The following TFAP2C variants were observed in gnomAD, a reference collection of about 807,000 sequenced individuals.
TFAP2C encodes activating enhancer-binding protein 2 gamma.
A neutral mutation model predicts 42.9 loss-of-function variants in TFAP2C; 9 were observed. The observed-to-expected ratio is 0.21, with a 90% CI of 0.13 to 0.37. The LOEUF (loss-of-function observed/expected upper bound fraction) is 0.37. Among genes scored for constraint, TFAP2C ranks in the 10% least tolerant of loss-of-function variants. TFAP2C has a pLI of 1.00. For synonymous variants in TFAP2C, 264 were observed against 256.0 expected, an observed-to-expected ratio of 1.03 and a Z score of -0.30; for missense variants, 462 against 591.7, an observed-to-expected ratio of 0.78 and a Z score of 2.27.
chr20:56,631,067 T>C lies in TFAP2C; in HGVS notation c.49-138T>C. The C allele has an allele frequency of 7.0e-7, 1 of 1,435,570 alleles. No homozygotes were observed. The allele number at this position is 1,435,570 out of a possible 1,614,324, so 88.9% of individuals were successfully genotyped here. A position where few individuals can be genotyped will look rare whatever the true frequency, so the allele number is the denominator to read the frequency against. On this transcript the variant is annotated intron_variant, in intron 1 of 6. Coordinates refer to ENST00000201031, the MANE Select transcript of TFAP2C (RefSeq NM_003222.4). This position sits in a 1 kb window ranked among gnomAD's most constrained non-coding sequence, Gnocchi z 6.1. The stretch of plus-strand genomic sequence containing the variant: ...TCGGGGCGCATTGCCCCCGGGTACC[T>C]TCCGACCCTGGGCAAGCCCCGCCGG...
In TFAP2C at chr20:56,631,444, A is replaced by G. The variant is rs1987488469; in HGVS notation, c.288A>G (p.Thr96=). Residue 96 remains threonine (T), a synonymous_variant, in exon 2 of 7, where the codon ACA becomes ACG. Transcript: ENST00000201031. This position sits in a 1 kb window ranked among gnomAD's most constrained non-coding sequence, Gnocchi z 6.1. ...AINPLHQPAP[T]GSQQQAWPGR... ...ACCCCCTGCACCAGCCGGCGCCCACAGGCAGCCAGCAGCAGGCCTGGCCCG... is the reference window on the plus strand; with the variant it reads ...ACCCCCTGCACCAGCCGGCGCCCACGGGCAGCCAGCAGCAGGCCTGGCCCG... The G allele has an allele frequency of 1.3e-6, 2 of 1,579,514 alleles. No individual in the cohort carries two copies. The highest frequency in any genetic ancestry group is 1.7e-6 in the Non-Finnish European group (2 of 1,165,254).
At position 56,631,437 on chromosome 20, in the gene TFAP2C, C is replaced by T; in HGVS notation, c.281C>T (p.Ala94Val). 1.9e-6 allele frequency: 3 copies of T among 1,584,316 alleles called. No homozygotes were observed. Among genetic ancestry groups the T allele is most frequent in the Non-Finnish European group, 1.7e-6 (2 of 1,167,528 alleles). Reference sequence around the variant, plus strand: ...GCCATCAACCCCCTGCACCAGCCGGCGCCCACAGGCAGCCAGCAGCAGGCC... The same window carrying T: ...GCCATCAACCCCCTGCACCAGCCGGTGCCCACAGGCAGCCAGCAGCAGGCC... The part of the protein sequence containing the change: ...AAAINPLHQP[A>V]PTGSQQQAWP... The change falls in exon 2 of 7, where the codon GCG (alanine) becomes GTG (valine). Residue 94 changes from alanine (A) to valine (V), a missense_variant. This residue lies in a region of TFAP2C where 271 missense variants were observed against 269.7 expected (regional missense o/e 1.00). Coordinates refer to ENST00000201031, the MANE Select transcript of TFAP2C (RefSeq NM_003222.4). This position sits in a 1 kb window ranked among gnomAD's most constrained non-coding sequence, Gnocchi z 6.1.
Position 56,631,715 on chromosome 20 carries a change from C to T in TFAP2C, c.534+25C>T, listed in dbSNP as rs1212772624. ...GGTGAGCGGCGCTGCGGCTCCTGAC[C>T]GGACCTGTTCACCCTACGGCCTTCT... is the stretch of plus-strand genomic sequence containing the variant. On this transcript the variant is annotated intron_variant, in intron 2 of 6. Coordinates refer to ENST00000201031, the MANE Select transcript of TFAP2C (RefSeq NM_003222.4). This position sits in a 1 kb window ranked among gnomAD's most constrained non-coding sequence, Gnocchi z 6.1. The T allele has an allele frequency of 1.9e-6, 3 of 1,604,856 alleles. No homozygotes were observed. The highest frequency in any genetic ancestry group is 2.6e-6 in the Non-Finnish European group (3 of 1,175,754).
intron 5 of TFAP2C, 41 bp downstream of exon 5, chr20:56,634,309 T>C (rs1310239115): frequency 7.0e-7 from 1 of 1,423,314 alleles, no homozygotes; most frequent in Non-Finnish European, 9.9e-7. Flanking sequence ...GTTTTTAATT[T>C]GTGCCTGTGT....
Position 56,631,290 on chromosome 20 carries a change from C to G in TFAP2C, c.134C>G (p.Pro45Arg). The G allele has an allele frequency of 6.2e-7, 1 of 1,607,128 alleles. No homozygotes were observed. Among genetic ancestry groups the G allele is most frequent in the Non-Finnish European group, 8.5e-7 (1 of 1,177,514 alleles). The change falls in exon 2 of 7, where the codon CCC becomes CGC. Residue 45 changes from proline (P) to arginine (R), a missense_variant. Pro to Arg is a moderately radical substitution (Grantham distance 103). Transcript: ENST00000201031. This position sits in a 1 kb window ranked among gnomAD's most constrained non-coding sequence, Gnocchi z 6.1. The stretch of plus-strand genomic sequence containing the variant: ...CAGCACCTCTACAGCCCCGCGCCAC[C>G]CCTCTCCCACACTGGAGTCGCCGAA... ...AGQHLYSPAP[P>R]LSHTGVAEYQ...
intron 6 of TFAP2C, 27 bp downstream of exon 6, chr20:56,636,781 A>G: frequency 6.2e-7 from 1 of 1,605,526 alleles, no homozygotes; most frequent in Non-Finnish European, 8.5e-7. Context: ...GAATTTGATG[A>G]TGACTCAATG....
chr20:56,629,369 G>C lies in TFAP2C; in HGVS notation c.-176G>C, dbSNP rs1476649183. 6.6e-6 allele frequency: 3 copies of C among 454,836 alleles called. No individual in the cohort carries two copies. The highest frequency in any genetic ancestry group is 3.5e-5 in the East Asian group (1 of 28,596). The allele number at this position is 454,836 out of a possible 1,614,324, so 28.2% of individuals were successfully genotyped here. A position where few individuals can be genotyped will look rare whatever the true frequency, so the allele number is the denominator to read the frequency against. The stretch of plus-strand genomic sequence containing the variant: ...AGCGGTCTTGACACTCGCGGCGGCA[G>C]CATCTACGCTCGCAGAGCCGCCGAT... On this transcript the variant is annotated 5_prime_UTR_variant, in exon 1 of 7. Transcript: ENST00000201031. This position sits in a 1 kb window ranked among gnomAD's most constrained non-coding sequence, Gnocchi z 5.9.
At position 56,633,234 on chromosome 20, in the gene TFAP2C, G is replaced by A. The variant is rs148191643; in HGVS notation, c.587-119G>A. On this transcript the variant is annotated intron_variant, in intron 3 of 6. Coordinates refer to ENST00000201031, the MANE Select transcript of TFAP2C (RefSeq NM_003222.4). ...AAATAAAGTCAGCCTGCAGTTGATC[G>A]TGGGGTGTGCAATGATGCTTGTCTA... 170 of 706,868 alleles carry A rather than the reference G, an allele frequency of 2.4e-4. No homozygotes were observed. The African/African-American group carries it at 2.5e-3, about 10-fold the overall frequency. 43.8% of individuals were successfully genotyped at this position (706,868 alleles called of 1,614,324 possible).
chr20:56,630,916 G>T lies in TFAP2C; in HGVS notation c.49-289G>T, dbSNP rs1049596900. On this transcript the variant is annotated intron_variant, in intron 1 of 6. Coordinates refer to ENST00000201031, the MANE Select transcript of TFAP2C (RefSeq NM_003222.4). This position sits in a 1 kb window ranked among gnomAD's most constrained non-coding sequence, Gnocchi z 5.1. ...CCAAGACCCAGGGTTCGGACTTGGCGCCTCCAAGCGCCTCGGGCTTGGGAG... is the reference window on the plus strand; with the variant it reads ...CCAAGACCCAGGGTTCGGACTTGGCTCCTCCAAGCGCCTCGGGCTTGGGAG... 1 of 985,372 alleles carries T rather than the reference G, an allele frequency of 1.0e-6. No homozygotes were observed. The allele number at this position is 985,372 out of a possible 1,614,324, so 61.0% of individuals were successfully genotyped here. A position where few individuals can be genotyped will look rare whatever the true frequency, so the allele number is the denominator to read the frequency against.
At chr20:56,636,483 G>A in intron 5 of TFAP2C, 127 bp from the exon 6 acceptor site, 3 of 1,002,994 alleles carry the variant, frequency 3.0e-6, no homozygotes, top group Non-Finnish European at 4.3e-6. Flanking sequence ...CAGAGATCGG[G>A]CCACTGCACT....
Position 56,633,512 on chromosome 20 carries a change from G to A in TFAP2C, c.746G>A (p.Arg249Lys), listed in dbSNP as rs1332803253. Residue 249 changes from arginine (R) to lysine (K), a missense_variant, in exon 4 of 7, where the codon AGG (arginine) becomes AAG (lysine). Arg to Lys is a conservative substitution (Grantham distance 26, BLOSUM62 2). This residue lies in a region of TFAP2C where 40 missense variants were observed against 106.8 expected (regional missense o/e 0.37). Transcript: ENST00000201031. Reference sequence around the variant, plus strand: ...AAAGTGACAGTGGCTGAAGTACAGAGGCGACTGTCCCCACCTGAATGCTTA... The same window carrying A: ...AAAGTGACAGTGGCTGAAGTACAGAAGCGACTGTCCCCACCTGAATGCTTA... ...KYKVTVAEVQRRLSPPECLNA... is the reference protein window; with the variant it reads ...KYKVTVAEVQKRLSPPECLNA... 6.2e-7 allele frequency: 1 copy of A among 1,614,048 alleles called. No individual in the cohort carries two copies. The highest frequency in any genetic ancestry group is 8.5e-7 in the Non-Finnish European group (1 of 1,180,040).
chr20:56,631,379 C>A lies in TFAP2C; in HGVS notation c.223C>A (p.Pro75Thr), dbSNP rs1428899248. 1.9e-6 allele frequency: 3 copies of A among 1,611,278 alleles called. No homozygotes were observed. Among genetic ancestry groups the A allele is most frequent in the Non-Finnish European group, 2.5e-6 (3 of 1,179,204 alleles). ...QQLAYSQSAD[P>T]YSHLGEAYAA... The stretch of plus-strand genomic sequence containing the variant: ...GCTGGCCTACTCCCAGTCGGCCGAC[C>A]CCTACTCGCATCTGGGGGAAGCGTA... Residue 75 changes from proline (P) to threonine (T), a missense_variant, in exon 2 of 7, where the codon CCC becomes ACC. Coordinates refer to ENST00000201031, the MANE Select transcript of TFAP2C (RefSeq NM_003222.4). The surrounding 1 kb of genome is among the most constrained non-coding windows in gnomAD (Gnocchi z 6.1).
chr20:56,633,528 T>C lies in TFAP2C; in HGVS notation c.762T>C (p.Pro254=), dbSNP rs1195750701. 3.1e-6 allele frequency: 5 copies of C among 1,614,092 alleles called. No homozygotes were observed. Among genetic ancestry groups the C allele is most frequent in the Non-Finnish European group, 3.4e-6 (4 of 1,180,050 alleles). Reference sequence around the variant, plus strand: ...AAGTACAGAGGCGACTGTCCCCACCTGAATGCTTAAATGCCTCGTTACTGG... The same window carrying C: ...AAGTACAGAGGCGACTGTCCCCACCCGAATGCTTAAATGCCTCGTTACTGG... The part of the protein sequence containing the change: ...VAEVQRRLSP[P]ECLNASLLGG... The change falls in exon 4 of 7, where the codon CCT becomes CCC. Residue 254 remains proline (P), a synonymous_variant. Coordinates refer to ENST00000201031, the MANE Select transcript of TFAP2C (RefSeq NM_003222.4).
Position 56,630,329 on chromosome 20 carries a change from C to T in TFAP2C, c.48+737C>T, listed in dbSNP as rs1016744028. 2.1e-5 allele frequency: 9 copies of T among 437,234 alleles called. No homozygotes were observed. The highest frequency in any genetic ancestry group is 3.7e-5 in the Non-Finnish European group (8 of 213,736). 27.1% of individuals were successfully genotyped at this position (437,234 alleles called of 1,614,324 possible). On this transcript the variant is annotated intron_variant, in intron 1 of 6. Coordinates refer to ENST00000201031, the MANE Select transcript of TFAP2C (RefSeq NM_003222.4). The surrounding 1 kb of genome is among the most constrained non-coding windows in gnomAD (Gnocchi z 5.1). ...CTGGAGGGCTGCCCCTGCCCGCAGG[C>T]CCGGGCGCTTCCGCCAGGAGGCGAC...
intron 5 of TFAP2C, 39 bp downstream of exon 5, chr20:56,634,307 T>C (rs371581346): frequency 9.0e-6 from 13 of 1,436,864 alleles, no homozygotes; most frequent in Non-Finnish European, 1.3e-5. Flanking sequence ...ATGTTTTTAA[T>C]TTGTGCCTGT....
chr20:56,636,734 G>A lies in TFAP2C; in HGVS notation c.1047G>A (p.Lys349=). The change falls in exon 6 of 7, where the codon AAG becomes AAA. Residue 349 remains lysine (K), a synonymous_variant. Transcript: ENST00000201031. ...LGGRNEMAAR[K]NMLLAAQQLC... Reference sequence around the variant, plus strand: ...GACGAAATGAGATGGCAGCTAGGAAGAACATGCTATTGGCGGCCCAGTAAG... The same window carrying A: ...GACGAAATGAGATGGCAGCTAGGAAAAACATGCTATTGGCGGCCCAGTAAG... The A allele has an allele frequency of 1.9e-6, 3 of 1,613,588 alleles. No individual in the cohort carries two copies. The highest frequency in any genetic ancestry group is 2.5e-6 in the Non-Finnish European group (3 of 1,179,878).
At position 56,631,571 on chromosome 20, in the gene TFAP2C, C is replaced by T; in HGVS notation, c.415C>T (p.Arg139Cys). The T allele has an allele frequency of 6.5e-7, 1 of 1,534,610 alleles. No homozygotes were observed. The highest frequency in any genetic ancestry group is 8.7e-7 in the Non-Finnish European group (1 of 1,147,540). The change falls in exon 2 of 7, where the codon CGC (arginine) becomes TGC (cysteine). Residue 139 changes from arginine to cysteine, a missense_variant. Physicochemically the swap from Arg to Cys is radical, Grantham distance 180. This residue lies in a region of TFAP2C where 271 missense variants were observed against 269.7 expected (regional missense o/e 1.00). Transcript: ENST00000201031. The surrounding 1 kb of genome is among the most constrained non-coding windows in gnomAD (Gnocchi z 6.1). ...GCTGGAGGCGGGCGCGGTGAGCGCC[C>T]GCAGGGATGCCTACCGCCGCTCCGA... is the stretch of plus-strand genomic sequence containing the variant. ...SGLEAGAVSARRDAYRRSDLL... is the reference protein window; with the variant it reads ...SGLEAGAVSACRDAYRRSDLL...
Position 56,634,219 on chromosome 20 carries a change from C to T in TFAP2C, c.873C>T (p.Ala291=), listed in dbSNP as rs147055158. Reference sequence around the variant, plus strand: ...ACAAGATTGGGTTGAATCTTCCGGCCGGGAGGCGGAAAGCCGCTCATGTGA... The same window carrying T: ...ACAAGATTGGGTTGAATCTTCCGGCTGGGAGGCGGAAAGCCGCTCATGTGA... ...KLDKIGLNLP[A]GRRKAAHVTL... is the part of the protein sequence containing the mutation. Residue 291 remains alanine (A), a synonymous_variant, in exon 5 of 7, where the codon GCC becomes GCT. Coordinates refer to ENST00000201031, the MANE Select transcript of TFAP2C (RefSeq NM_003222.4). 15 of 1,614,150 alleles carry T rather than the reference C, an allele frequency of 9.3e-6. No individual in the cohort carries two copies. Among genetic ancestry groups the T allele is most frequent in the East Asian group, 8.9e-5 (4 of 44,888 alleles).
At position 56,638,166 on chromosome 20, in the gene TFAP2C, G is replaced by A. The variant is rs568990583; in HGVS notation, c.*153G>A. 4.6e-5 allele frequency: 31 copies of A among 670,222 alleles called. No homozygotes were observed. The highest frequency in any genetic ancestry group is 1.8e-4 in the South Asian group (9 of 49,270). The allele number at this position is 670,222 out of a possible 1,614,324, so 41.5% of individuals were successfully genotyped here. The stretch of plus-strand genomic sequence containing the variant: ...AGCCTTCACTGGTTCTGCATCACCC[G>A]CCCCTGGACTTCTTAGTTGTTTCTC... On this transcript the variant is annotated 3_prime_UTR_variant, in exon 7 of 7. Transcript: ENST00000201031.
Sources: allele counts gnomAD v4.1 joint callset, GRCh38; gene constraint gnomAD v4.1.1; regional missense constraint gnomAD v4.1.1; non-coding constraint Gnocchi (gnomAD v3.1); transcripts MANE v1.5; gene names NCBI Gene and HGNC (gene_info 2026-07-23, HGNC 2026-07-21).